The following GPATCH1 variants were observed in gnomAD, a reference collection of about 807,000 sequenced individuals.
GPATCH1 encodes G patch domain-containing protein 1.
GPATCH1 carries 73 observed loss-of-function variants against 114.9 expected under a neutral mutation model. The observed-to-expected ratio is 0.64, with a 90% CI of 0.53 to 0.77. The LOEUF (loss-of-function observed/expected upper bound fraction) is 0.77. Among genes scored for constraint, GPATCH1 ranks in the 30% least tolerant of loss-of-function variants. The pLI is 0.00. For synonymous variants in GPATCH1, 391 were observed against 428.4 expected, an observed-to-expected ratio of 0.91 and a Z score of 1.08; for missense variants, 1,058 against 1,144.3, an observed-to-expected ratio of 0.92 and a Z score of 1.09.
intron 1 of GPATCH1, among the ~76,000 whole-genome samples, chr19:33,083,087 A>C (rs1343167250): frequency 6.9e-6 from 1 of 144,738 alleles, no homozygotes; most frequent in African/African-American, 2.7e-5. Flanking sequence ...AAATACAAAA[A>C]AAAATTAGCT....
At position 33,119,136 on chromosome 19, in the gene GPATCH1, G is replaced by T; in HGVS notation, c.2521+19G>T. On this transcript the variant is annotated intron_variant, in intron 17 of 19. Transcript: ENST00000170564. Reference sequence around the variant, plus strand: ...TGCCCCAGTGAGTGCAGAGCCCTTTGGTTCGCCCATTTTTATCAGTGTGTG... The same window carrying T: ...TGCCCCAGTGAGTGCAGAGCCCTTTTGTTCGCCCATTTTTATCAGTGTGTG... 6.9e-7 allele frequency: 1 copy of T among 1,452,420 alleles called. No individual in the cohort carries two copies. Among genetic ancestry groups the T allele is most frequent in the Non-Finnish European group, 9.5e-7 (1 of 1,047,180 alleles). The allele number at this position is 1,452,420 out of a possible 1,614,324, so 90.0% of individuals were successfully genotyped here.
At chr19:33,121,720 T>C (rs1271549951) in intron 17 of GPATCH1, among the ~76,000 whole-genome samples, 2 of 152,338 alleles carry the variant, frequency 1.3e-5, no homozygotes, top group South Asian at 4.1e-4. Flanking sequence ...CAAATATCTG[T>C]CAACAACTTC....
intron 9 of GPATCH1, 98 bp downstream of exon 9, chr19:33,101,672 T>G (rs1377582579): frequency 4.5e-6 from 3 of 660,282 alleles, no homozygotes; most frequent in Non-Finnish European, 7.9e-6. Flanking sequence ...GAAAGATAAG[T>G]AAATTCTGTT....
intron 17 of GPATCH1, among the ~76,000 whole-genome samples, chr19:33,121,800 C>G (rs912763368): frequency 6.6e-6 from 1 of 152,088 alleles, no homozygotes; most frequent in Admixed American, 6.6e-5. Flanking sequence ...TCTTTGAGGG[C>G]TGGGTTTACA....
rs951049205 is a variant in GPATCH1 at position 33,093,371 on chromosome 19, T to G, written c.307T>G (p.Phe103Val). The G allele has an allele frequency of 1.9e-6, 3 of 1,611,494 alleles. No homozygotes were observed. The African/African-American group carries it at 4.0e-5, about 22-fold the overall frequency. The change falls in exon 4 of 20, where the codon TTT (phenylalanine) becomes GTT (valine). Residue 103 changes from phenylalanine (F) to valine (V), a missense_variant. Around this residue, in one of 3 missense-constraint regions of GPATCH1, gnomAD observed 34 missense variants for 59.6 expected, o/e 0.57. Coordinates refer to ENST00000170564, the MANE Select transcript of GPATCH1 (RefSeq NM_018025.3). Reference protein sequence around the residue: ...DFMDEEDLSEFGIAPKAIVTT... With the variant: ...DFMDEEDLSEVGIAPKAIVTT... ...AATTTTTTTGAAGGATCTTAGTGAATTTGGGATAGCACCTAAAGCGATTGT... is the reference window on the plus strand; with the variant it reads ...AATTTTTTTGAAGGATCTTAGTGAAGTTGGGATAGCACCTAAAGCGATTGT...
chr19:33,120,319 A>ATT (rs1599865990), intron 17 of GPATCH1, among the ~76,000 whole-genome samples: 7 of 132,572 alleles, frequency 5.3e-5, no homozygotes, highest in African/African-American at 1.5e-4. Flanking sequence ...TATACATAAA[A>ATT]ATGATATATA....
intron 3 of GPATCH1, 140 bp from the exon 4 acceptor site, chr19:33,093,219 G>T (rs1425586352): frequency 1.8e-6 from 1 of 555,372 alleles, no homozygotes; most frequent in African/African-American, 1.9e-5. Flanking sequence ...AATAAAGTCA[G>T]TGTGTATGTC....
At chr19:33,103,656 G>T (rs1026896669) in intron 9 of GPATCH1, among the ~76,000 whole-genome samples, 1 of 150,632 alleles carries the variant, frequency 6.6e-6, no homozygotes, top group Non-Finnish European at 1.5e-5. Context: ...AGCCAAGATT[G>T]TGCCACTGCA....
At chr19:33,102,535 T>C (rs1972739089) in intron 9 of GPATCH1, among the ~76,000 whole-genome samples, 1 of 151,358 alleles carries the variant, frequency 6.6e-6, no homozygotes. Flanking sequence ...TAGCTGGGAT[T>C]ACAGGCGTGC....
At chr19:33,123,007 G>T (rs1254540864) in intron 17 of GPATCH1, among the ~76,000 whole-genome samples, 3 of 151,884 alleles carry the variant, frequency 2.0e-5, no homozygotes, top group Non-Finnish European at 2.9e-5. Context: ...AGGAGGTGGA[G>T]GCTACAGTGA....
intron 8 of GPATCH1, among the ~76,000 whole-genome samples, chr19:33,101,106 G>A (rs1354243666): frequency 4.6e-5 from 7 of 152,168 alleles, no homozygotes; most frequent in Admixed American, 4.6e-4. Flanking sequence ...TACACATGAC[G>A]CTCTCACAGT....
At chr19:33,085,570 G>A (rs1006974493) in intron 1 of GPATCH1, among the ~76,000 whole-genome samples, 3 of 152,114 alleles carry the variant, frequency 2.0e-5, no homozygotes, top group Non-Finnish European at 2.9e-5. Flanking sequence ...TGAAATTTTG[G>A]TCAGGGAATG....
At chr19:33,105,684 T>C (rs1367423083) in intron 9 of GPATCH1, among the ~76,000 whole-genome samples, 2 of 150,936 alleles carry the variant, frequency 1.3e-5, no homozygotes, top group Non-Finnish European at 1.5e-5. Flanking sequence ...CCACCACACC[T>C]GGCTAATTTT....
At chr19:33,118,756 G>A (rs1972944096) in intron 16 of GPATCH1, among the ~76,000 whole-genome samples, 2 of 152,120 alleles carry the variant, frequency 1.3e-5, no homozygotes, top group Admixed American at 6.6e-5. Flanking sequence ...ACGTGCCCAC[G>A]GGTGCACTTG....
chr19:33,125,959 G>A (rs1736605559), intron 18 of GPATCH1, among the ~76,000 whole-genome samples: 1 of 152,296 alleles, frequency 6.6e-6, no homozygotes, highest in African/African-American at 2.4e-5. Flanking sequence ...TTGGGTTTCA[G>A]CACAGGCTTT....
At chr19:33,107,012 A>C in intron 10 of GPATCH1, 113 bp downstream of exon 10, 1 of 750,182 alleles carries the variant, frequency 1.3e-6, no homozygotes, top group South Asian at 1.7e-5. Flanking sequence ...GTATTCCCAA[A>C]CTGTGGAAAT....
At position 33,130,467 on chromosome 19, in the gene GPATCH1, G is replaced by A. The variant is rs1973093359; in HGVS notation, c.*307G>A. On this transcript the variant is annotated 3_prime_UTR_variant, in exon 20 of 20. Transcript: ENST00000170564. ...GTTAAAAAAGAAGTTAAAAGTGAAG[G>A]CTTCTCTCTGGTTTTGTGATGAAGA... 3.9e-6 allele frequency: 1 copy of A among 257,564 alleles called. No homozygotes were observed. The highest frequency in any genetic ancestry group is 5.5e-5 in the Admixed American group (1 of 18,192). The allele number at this position is 257,564 out of a possible 1,614,324, so 16.0% of individuals were successfully genotyped here. A position where few individuals can be genotyped will look rare whatever the true frequency, so the allele number is the denominator to read the frequency against.
At chr19:33,105,034 G>A (rs1417280527) in intron 9 of GPATCH1, among the ~76,000 whole-genome samples, 3 of 152,040 alleles carry the variant, frequency 2.0e-5, no homozygotes, top group East Asian at 1.9e-4. Flanking sequence ...TTTCACTTCC[G>A]TCAACTTTTA....
At position 33,083,110 on chromosome 19, in the gene GPATCH1, G is replaced by C. The variant is rs1429560443; in HGVS notation, c.73+1844G>C. On this transcript the variant is annotated intron_variant, in intron 1 of 19. Coordinates refer to ENST00000170564, the MANE Select transcript of GPATCH1 (RefSeq NM_018025.3). The stretch of plus-strand genomic sequence containing the variant: ...AAAAAAATTAGCTGGGCGTGGTGGG[G>C]GGGGGCTCATGTAGTCCCAGCTACT... 5.9e-5 allele frequency among the ~76,000 whole-genome samples: 9 copies of C among 151,410 alleles called. No homozygotes were observed. The South Asian group carries it at 1.5e-3, about 25-fold the overall frequency.
Sources: allele counts gnomAD v4.1 joint callset (sites outside exome capture counted in the v4.1 genomes callset), GRCh38; gene constraint gnomAD v4.1.1; regional missense constraint gnomAD v4.1.1; transcripts MANE v1.5; gene names NCBI Gene and HGNC (gene_info 2026-07-23, HGNC 2026-07-21).